INTS11: variants seen among roughly 807,000 people sequenced by gnomAD.
The protein encoded by INTS11 is integrator complex subunit 11.
In INTS11, 77 loss-of-function variants were observed where a neutral mutation model predicts 78.6. The ratio of observed to expected loss-of-function variants is 0.98; its 90% CI spans 0.81 to 1.18. INTS11 has a LOEUF of 1.18. Ranked by LOEUF, INTS11 falls within the 50% of genes most tolerant of loss-of-function variation. The pLI is 0.00. For missense variants in INTS11, 875 were observed against 825.9 expected, an observed-to-expected ratio of 1.06 and a Z score of -0.73; for synonymous variants, 441 against 326.9, an observed-to-expected ratio of 1.35 and a Z score of -3.77.
chr1:1,321,927 G>GAA lies in INTS11; in HGVS notation c.29-836_29-835dup, dbSNP rs545386740. On this transcript the variant is annotated intron_variant, in intron 1 of 16. Coordinates refer to ENST00000435064, the MANE Select transcript of INTS11 (RefSeq NM_017871.6). ...ACCCACCTCCCCCTGCCAGCCACTC[G>GAA]AAGTGTCCAAAGCCAGCACCACACA... 7 of 956,094 alleles carry GAA rather than the reference G, an allele frequency of 7.3e-6. No homozygotes were observed. In the South Asian group the frequency reaches 1.6e-4, roughly 22 times the overall value. The allele number at this position is 956,094 out of a possible 1,614,324, so 59.2% of individuals were successfully genotyped here. A position where few individuals can be genotyped will look rare whatever the true frequency, so the allele number is the denominator to read the frequency against.
At chr1:1,323,393 G>A (rs1368266323) in intron 1 of INTS11, 23 of 1,256,660 alleles carry the variant, frequency 1.8e-5, no homozygotes, top group South Asian at 4.5e-5. Context: ...TCTTCACATC[G>A]TTCTATACTG....
intron 4 of INTS11, chr1:1,317,287 G>C (rs1408645942): frequency 6.4e-6 from 1 of 157,166 alleles, no homozygotes; most frequent in Non-Finnish European, 1.4e-5. Flanking sequence ...CCAGCTACTC[G>C]GGAGGCTGAG....
intron 1 of INTS11, among the ~76,000 whole-genome samples, chr1:1,323,882 A>G (rs1334967875): frequency 6.5e-4 from 7 of 10,800 alleles, no homozygotes; most frequent in Admixed American, 1.2e-3. Context: ...TGGGGGGCTG[A>G]GGGGCTTGCG....
intron 6 of INTS11, 91 bp downstream of exon 6, chr1:1,315,313 C>A (rs374394282): frequency 1.5e-5 from 22 of 1,484,266 alleles, no homozygotes; most frequent in Non-Finnish European, 1.9e-5. Flanking sequence ...CACTGCCAGG[C>A]TGGCCACTCA....
At chr1:1,320,864 T>TC (rs1642905358) in intron 2 of INTS11, 132 bp downstream of exon 2, 1 of 880,774 alleles carries the variant, frequency 1.1e-6, no homozygotes, top group Non-Finnish European at 1.9e-6. Flanking sequence ...CCATCCCTGC[T>TC]CCCCACAGGG....
At chr1:1,321,825 G>A (rs371030918) in intron 1 of INTS11, 64 of 1,066,672 alleles carry the variant, frequency 6.0e-5, no homozygotes, top group African/African-American at 5.3e-4. Flanking sequence ...GGCCCGAGAG[G>A]AAAGGGTCAC....
chr1:1,315,673 G>A (rs1347157771), intron 4 of INTS11, 55 bp from the exon 5 acceptor site: 1 of 1,128,412 alleles, frequency 8.9e-7, no homozygotes. Context: ...GGGGCGGGGA[G>A]TGAGGGAGGC....
In INTS11 at chr1:1,314,839, C is replaced by T; in HGVS notation, c.687G>A (p.Val229=). ...RDFLKKVHET[V]ERGGKVLIPV... ...CTGCAGCTACCTTCCCACCACGCTC[C>T]ACGGTCTCGTGGACTTTCTTCAGGA... is the stretch of plus-strand genomic sequence containing the variant. The change falls in exon 7 of 17, where the codon GTG becomes GTA. Residue 229 remains valine, a synonymous_variant. Transcript: ENST00000435064. This position sits in a 1 kb window ranked among gnomAD's most constrained non-coding sequence, Gnocchi z 4.2. The T allele has an allele frequency of 6.2e-7, 1 of 1,612,320 alleles. No homozygotes were observed. The highest frequency in any genetic ancestry group is 1.1e-5 in the South Asian group (1 of 91,074).
intron 4 of INTS11, chr1:1,316,775 T>C (rs962233039): frequency 3.4e-5 from 5 of 149,168 alleles, no homozygotes; most frequent in African/African-American, 1.2e-4. Flanking sequence ...AAATACAAAA[T>C]TAGCCGGATG....
chr1:1,315,979 T>C (rs1374942352), intron 4 of INTS11, among the ~76,000 whole-genome samples: 1 of 152,090 alleles, frequency 6.6e-6, no homozygotes, highest in African/African-American at 2.4e-5. Context: ...GGACCTGAAA[T>C]TGGAGTTTCC....
chr1:1,313,462 C>A, intron 10 of INTS11, 47 bp downstream of exon 10: 2 of 1,597,640 alleles, frequency 1.3e-6, no homozygotes, highest in Non-Finnish European at 1.7e-6. Context: ...GAAGGACAAC[C>A]CGTCGGCCTC....
chr1:1,311,950 G>A (rs774210372), intron 16 of INTS11, 26 bp from the exon 17 acceptor site: 2 of 1,586,328 alleles, frequency 1.3e-6, no homozygotes, highest in Admixed American at 1.8e-5. Flanking sequence ...AAGCATTGTG[G>A]GTGGTGCAGG....
At chr1:1,316,896 C>T (rs1011028288) in intron 4 of INTS11, 1 of 151,276 alleles carries the variant, frequency 6.6e-6, no homozygotes, top group African/African-American at 2.4e-5. Flanking sequence ...TGCACTCCAG[C>T]CTGGGCGACA....
At position 1,312,917 on chromosome 1, in the gene INTS11, T is replaced by C; in HGVS notation, c.1164A>G (p.Ser388=). The C allele has an allele frequency of 1.2e-6, 2 of 1,612,370 alleles. No homozygotes were observed. The highest frequency in any genetic ancestry group is 1.7e-6 in the Non-Finnish European group (2 of 1,179,650). ...LEVKMQVEYM[S]FSAHADAKGI... is the part of the protein sequence containing the mutation. The stretch of plus-strand genomic sequence containing the variant: ...CCTTGGCGTCCGCGTGTGCGCTGAA[T>C]GACATGTACTCCACCTGCATCTTGA... Residue 388 remains serine, a synonymous_variant, in exon 12 of 17, where the codon TCA becomes TCG. Transcript: ENST00000435064.
chr1:1,321,170 C>A, intron 1 of INTS11, 77 bp from the exon 2 acceptor site: 1 of 1,187,778 alleles, frequency 8.4e-7, no homozygotes, highest in Admixed American at 1.8e-5. Flanking sequence ...TGCAGGACCC[C>A]AGTGCACTGA....
chr1:1,314,433 G>T lies in INTS11; in HGVS notation c.703-68C>A. Reference sequence around the variant, plus strand: ...CGACACAGCAGGCAGCGTCCAGTGAGGGCACGGCCAGGTGCCCAAGAGCTG... The same window carrying T: ...CGACACAGCAGGCAGCGTCCAGTGATGGCACGGCCAGGTGCCCAAGAGCTG... On this transcript the variant is annotated intron_variant, in intron 7 of 16. Transcript: ENST00000435064. The surrounding 1 kb of genome is among the most constrained non-coding windows in gnomAD (Gnocchi z 4.2). 5 of 1,437,992 alleles carry T rather than the reference G, an allele frequency of 3.5e-6. No individual in the cohort carries two copies. Among genetic ancestry groups the T allele is most frequent in the Non-Finnish European group, 4.7e-6 (5 of 1,053,720 alleles). 89.1% of individuals were successfully genotyped at this position (1,437,992 alleles called of 1,614,324 possible).
Position 1,314,102 on chromosome 1 carries a change from A to G in INTS11, c.768-181T>C. 2 of 768,450 alleles carry G rather than the reference A, an allele frequency of 2.6e-6. No homozygotes were observed. Among genetic ancestry groups the G allele is most frequent in the Non-Finnish European group, 4.3e-6 (2 of 469,636 alleles). The allele number at this position is 768,450 out of a possible 1,614,324, so 47.6% of individuals were successfully genotyped here. ...AGCCGGGCTCAGCGGAGAACCAGGAACCCCTACAAGAGCCGCACACGGTGG... is the reference window on the plus strand; with the variant it reads ...AGCCGGGCTCAGCGGAGAACCAGGAGCCCCTACAAGAGCCGCACACGGTGG... On this transcript the variant is annotated intron_variant, in intron 8 of 16. Coordinates refer to ENST00000435064, the MANE Select transcript of INTS11 (RefSeq NM_017871.6). The surrounding 1 kb of genome is among the most constrained non-coding windows in gnomAD (Gnocchi z 4.2).
chr1:1,313,153 G>A (rs775418738), intron 10 of INTS11, 29 bp from the exon 11 acceptor site: 1 of 1,591,374 alleles, frequency 6.3e-7, no homozygotes, highest in South Asian at 1.1e-5. Context: ...CTCACAGCCA[G>A]GGAACTCCAG....
intron 1 of INTS11, chr1:1,322,878 G>A (rs986874668): frequency 5.9e-5 from 71 of 1,196,960 alleles, no homozygotes; most frequent in East Asian, 8.5e-5. Flanking sequence ...ACAGGACTTC[G>A]GCTTTGATGA....
Sources: allele counts gnomAD v4.1 joint callset (sites outside exome capture counted in the v4.1 genomes callset), GRCh38; gene constraint gnomAD v4.1.1; non-coding constraint Gnocchi (gnomAD v3.1); transcripts MANE v1.5; gene names NCBI Gene and HGNC (gene_info 2026-07-23, HGNC 2026-07-21).